The following KLF12 variants were observed in gnomAD, a reference collection of about 807,000 sequenced individuals.
KLF12 encodes the protein KLF transcription factor 12, also known as Krueppel-like factor 12.
A neutral mutation model predicts 37.8 loss-of-function variants in KLF12; 9 were observed. That is an observed-to-expected ratio of 0.24 (90% CI 0.14 to 0.42). The LOEUF (loss-of-function observed/expected upper bound fraction) is 0.42. Ranked by LOEUF, KLF12 falls within the 10% of genes least tolerant of loss-of-function variation. KLF12 has a pLI of 1.00. For missense variants in KLF12, 411 were observed against 516.0 expected, an observed-to-expected ratio of 0.80 and a Z score of 1.97; for synonymous variants, 208 against 202.1, an observed-to-expected ratio of 1.03 and a Z score of -0.25.
chr13:74,185,703 A>G, the KLF12 span, among the ~76,000 whole-genome samples: 34 of 152,008 alleles, frequency 2.2e-4, no homozygotes, highest in African/African-American at 7.5e-4. Flanking sequence ...CTGGAGTGCA[A>G]TGGTGTGATC....
chr13:74,040,441 C>G (rs1370283341), intron 1 of KLF12, among the ~76,000 whole-genome samples: 1 of 152,152 alleles, frequency 6.6e-6, no homozygotes, highest in South Asian at 2.1e-4. Flanking sequence ...ATCTGCAGCC[C>G]CGGCCTGGGA....
At chr13:74,266,559 T>A in the KLF12 span, among the ~76,000 whole-genome samples, 3 of 152,202 alleles carry the variant, frequency 2.0e-5, no homozygotes, top group Non-Finnish European at 4.4e-5. Context: ...CTCATCTTCC[T>A]GGTATCATCC....
At chr13:73,913,179 T>C (rs150580779) in intron 3 of KLF12, among the ~76,000 whole-genome samples, 116 of 152,332 alleles carry the variant, frequency 7.6e-4, no homozygotes, top group Middle Eastern at 3.4e-3. Context: ...ACAGTGTTTG[T>C]TGCATAGACT....
At chr13:73,768,670 T>G (rs1177324741) in intron 5 of KLF12, among the ~76,000 whole-genome samples, 2 of 152,182 alleles carry the variant, frequency 1.3e-5, no homozygotes, top group Non-Finnish European at 2.9e-5. Context: ...TTTGCACCCA[T>G]TTACAGAGCC....
At chr13:74,118,165 T>C (rs1385931927) in intron 1 of KLF12, among the ~76,000 whole-genome samples, 1 of 152,148 alleles carries the variant, frequency 6.6e-6, no homozygotes. Context: ...TGTCTGAAAT[T>C]AGTTGTTCAG....
Position 73,689,508 on chromosome 13 carries a change from T to C in KLF12, c.*5982A>G, listed in dbSNP as rs1014636823. 1.3e-5 allele frequency: 2 copies of C among 152,166 alleles called. No homozygotes were observed. Among genetic ancestry groups the C allele is most frequent in the African/African-American group, 2.4e-5 (1 of 41,438 alleles). 9.4% of individuals were successfully genotyped at this position (152,166 alleles called of 1,614,324 possible). ...GTTCATGTCTATTCATATAGTCTCA[T>C]TGTATATTTCTATCCATGACTCCAC... On this transcript the variant is annotated 3_prime_UTR_variant, in exon 8 of 8. Coordinates refer to ENST00000377669, the MANE Select transcript of KLF12 (RefSeq NM_007249.5).
chr13:74,062,371 G>A (rs1201648677), intron 1 of KLF12, among the ~76,000 whole-genome samples: 2 of 152,138 alleles, frequency 1.3e-5, no homozygotes, highest in Non-Finnish European at 2.9e-5. Context: ...ATGAAGCTGT[G>A]TACACTTTTA....
chr13:74,201,789 A>G, the KLF12 span, among the ~76,000 whole-genome samples: 5 of 152,224 alleles, frequency 3.3e-5, no homozygotes, highest in Admixed American at 3.3e-4. Context: ...TTTTAACCAT[A>G]GAAACCTGGC....
rs567754867 is a variant in KLF12, at chr13:73,695,236, C to T, written c.*254G>A. 23 of 460,168 alleles carry T rather than the reference C, an allele frequency of 5.0e-5. No homozygotes were observed. The highest frequency in any genetic ancestry group is 5.7e-4 in the Middle Eastern group (1 of 1,764). The allele number at this position is 460,168 out of a possible 1,614,324, so 28.5% of individuals were successfully genotyped here. A position where few individuals can be genotyped will look rare whatever the true frequency, so the allele number is the denominator to read the frequency against. ...TCTTTAAATGGCAGAGGACACAGCACGGAAAACAATGCCTGTCTCTTCAGC... is the reference window on the plus strand; with the variant it reads ...TCTTTAAATGGCAGAGGACACAGCATGGAAAACAATGCCTGTCTCTTCAGC... On this transcript the variant is annotated 3_prime_UTR_variant, in exon 8 of 8. Coordinates refer to ENST00000377669, the MANE Select transcript of KLF12 (RefSeq NM_007249.5).
chr13:74,057,962 A>G (rs141450817), intron 1 of KLF12, among the ~76,000 whole-genome samples: 208 of 151,398 alleles, frequency 1.4e-3, no homozygotes, highest in African/African-American at 4.6e-3. Flanking sequence ...CTTTATAGCT[A>G]TGTAATTTTT....
the KLF12 span, among the ~76,000 whole-genome samples, chr13:74,252,662 C>A: frequency 6.6e-6 from 1 of 152,152 alleles, no homozygotes; most frequent in Non-Finnish European, 1.5e-5. Context: ...ATTTATTATC[C>A]TTAATCATGA....
intron 4 of KLF12, among the ~76,000 whole-genome samples, chr13:73,832,867 A>T (rs943207773): frequency 6.6e-6 from 1 of 152,172 alleles, no homozygotes; most frequent in African/African-American, 2.4e-5. Context: ...TTAAATCAAA[A>T]CAGCTTGCTA....
intron 6 of KLF12, among the ~76,000 whole-genome samples, chr13:73,757,724 T>C (rs1271791181): frequency 6.6e-6 from 1 of 152,188 alleles, no homozygotes; most frequent in Non-Finnish European, 1.5e-5. Context: ...ATTCAGATTT[T>C]TGATTGGGTT....
intron 1 of KLF12, among the ~76,000 whole-genome samples, chr13:74,088,980 C>T (rs374803683): frequency 3.4e-4 from 52 of 152,244 alleles, no homozygotes; most frequent in South Asian, 1.9e-3. Context: ...AAAAATAAAA[C>T]GCCTGTGTAG....
intron 6 of KLF12, among the ~76,000 whole-genome samples, chr13:73,743,937 C>T (rs1486946285): frequency 1.3e-5 from 2 of 152,088 alleles, no homozygotes; most frequent in Non-Finnish European, 2.9e-5. Flanking sequence ...TCAAGCAGTC[C>T]AGGTAGAAGA....
chr13:73,750,567 A>G (rs1309131921), intron 6 of KLF12, among the ~76,000 whole-genome samples: 1 of 152,186 alleles, frequency 6.6e-6, no homozygotes, highest in Admixed American at 6.5e-5. Flanking sequence ...GTGGCATTGG[A>G]TCAGAGAGGA....
the KLF12 span, among the ~76,000 whole-genome samples, chr13:74,248,448 A>G: frequency 2.0e-5 from 3 of 152,212 alleles, no homozygotes; most frequent in South Asian, 4.1e-4. Flanking sequence ...AGTAAGCTTC[A>G]TATGTTTCCA....
At chr13:73,783,947 C>T (rs1881143325) in intron 5 of KLF12, among the ~76,000 whole-genome samples, 1 of 152,092 alleles carries the variant, frequency 6.6e-6, no homozygotes, top group Non-Finnish European at 1.5e-5. Flanking sequence ...TGTCAAAACA[C>T]CTCCAATGTC....
chr13:74,231,465 G>C, the KLF12 span: 3 of 152,220 alleles, frequency 2.0e-5, no homozygotes, highest in Non-Finnish European at 4.4e-5. Flanking sequence ...TAGAAGTTAA[G>C]TGATGTCCCT....
Sources: allele counts gnomAD v4.1 joint callset (sites outside exome capture counted in the v4.1 genomes callset), GRCh38; gene constraint gnomAD v4.1.1; transcripts MANE v1.5; gene names NCBI Gene and HGNC (gene_info 2026-07-23, HGNC 2026-07-21).